DPP6: variants seen among roughly 807,000 people sequenced by gnomAD.
The protein encoded by DPP6 is dipeptidyl peptidase like 6, also known as A-type potassium channel modulatory protein DPP6.
Under a neutral mutation model 122.6 loss-of-function variants are expected in DPP6, and 69 were observed. That is an observed-to-expected ratio of 0.56 (90% confidence interval 0.46 to 0.69). DPP6 has a LOEUF of 0.69. DPP6 is among the 30% of genes least tolerant of loss of function. The probability of loss-of-function intolerance (pLI) is 0.00; values close to 1 mark genes in which losing one functional copy is unlikely to be tolerated. For synonymous variants in DPP6, 418 were observed against 433.1 expected, an observed-to-expected ratio of 0.97 and a Z score of 0.43; for missense variants, 928 against 1,116.9, an observed-to-expected ratio of 0.83 and a Z score of 2.41.
At chr7:154,644,851 G>A (rs1215051384) in intron 6 of DPP6, among the ~76,000 whole-genome samples, 1 of 151,898 alleles carries the variant, frequency 6.6e-6, no homozygotes, top group Non-Finnish European at 1.5e-5. Flanking sequence ...TGTGACTGCA[G>A]GTGCACACCG....
At chr7:153,952,245 A>T (rs1391195718) in intron 1 of DPP6, among the ~76,000 whole-genome samples, 1 of 152,144 alleles carries the variant, frequency 6.6e-6, no homozygotes, top group East Asian at 1.9e-4. Flanking sequence ...ATCAAAAGCA[A>T]TTTTCTACCA....
At chr7:154,847,658 C>G (rs1020680120) in intron 16 of DPP6, among the ~76,000 whole-genome samples, 2 of 152,080 alleles carry the variant, frequency 1.3e-5, no homozygotes, top group Admixed American at 1.3e-4. Flanking sequence ...ATTTATCATT[C>G]TTTGTGGTGA....
intron 5 of DPP6, among the ~76,000 whole-genome samples, chr7:154,622,689 C>G (rs1468811279): frequency 6.6e-6 from 1 of 152,170 alleles, no homozygotes; most frequent in African/African-American, 2.4e-5. Context: ...CCAACACCAT[C>G]GAATGACCAT....
rs185391569 is a variant in DPP6 at position 154,782,814 on chromosome 7, C to T, written c.1136+9872C>T. ...ATTATTATTTTTTGAGACAGAGCCT[C>T]GCTCTGTCGCCCAGGTTGGAGTGCA... On this transcript the variant is annotated intron_variant, in intron 10 of 25. Coordinates refer to ENST00000377770, the MANE Select transcript of DPP6 (RefSeq NM_130797.4). Among the ~76,000 whole-genome samples the T allele has an allele frequency of 2.7e-3, 412 of 152,110 alleles. 2 individuals carry two copies. The highest frequency in any genetic ancestry group is 4.1e-3 in the Non-Finnish European group (278 of 68,006).
At position 154,082,846 on chromosome 7, in the gene DPP6, CT is replaced by C. The variant is rs1174987723; in HGVS notation, c.243+29803del. ...CTGTGTGTGCCTATCTTTTCTTTTTCTTTTTTTTTTTTTTTTTTTTGAGATG... is the reference window on the plus strand; with the variant it reads ...CTGTGTGTGCCTATCTTTTCTTTTTCTTTTTTTTTTTTTTTTTTTGAGATG... On this transcript the variant is annotated intron_variant, in intron 1 of 25. Transcript: ENST00000377770. Among the ~76,000 whole-genome samples, 70 of 106,256 alleles carry C rather than the reference CT, an allele frequency of 6.6e-4. No homozygotes were observed. In the East Asian group the frequency reaches 7.8e-3, roughly 12 times the overall value. The allele number at this position is 106,256 out of a possible 152,430, so 69.7% of individuals were successfully genotyped here.
intron 5 of DPP6, among the ~76,000 whole-genome samples, chr7:154,575,159 T>A (rs1831480602): frequency 7.2e-6 from 1 of 138,300 alleles, no homozygotes; most frequent in Non-Finnish European, 1.5e-5. Context: ...GTGTGGTCTG[T>A]GTGTATGTGT....
intron 7 of DPP6, among the ~76,000 whole-genome samples, chr7:154,689,384 G>A (rs1839810005): frequency 6.6e-6 from 1 of 152,100 alleles, no homozygotes; most frequent in Non-Finnish European, 1.5e-5. Flanking sequence ...TATTTTGAAT[G>A]GATTTTGAAT....
chr7:153,963,764 T>C (rs1359228114), intron 1 of DPP6, among the ~76,000 whole-genome samples: 1 of 152,138 alleles, frequency 6.6e-6, no homozygotes, highest in Non-Finnish European at 1.5e-5. Context: ...AACAGTTTCA[T>C]CCCGAAGCCA....
At chr7:154,237,949 G>A (rs911304124) in intron 1 of DPP6, among the ~76,000 whole-genome samples, 2 of 152,210 alleles carry the variant, frequency 1.3e-5, no homozygotes, top group African/African-American at 4.8e-5. Context: ...AGAATGAGAT[G>A]TCTGAGGACA....
chr7:154,054,943 C>T (rs1339006032), intron 1 of DPP6, among the ~76,000 whole-genome samples: 2 of 151,902 alleles, frequency 1.3e-5, no homozygotes, highest in Non-Finnish European at 2.9e-5. Context: ...TTGGAGTATA[C>T]ATGTCCTTCT....
intron 15 of DPP6, among the ~76,000 whole-genome samples, chr7:154,806,355 G>A (rs534299036): frequency 1.6e-4 from 25 of 152,300 alleles, no homozygotes; most frequent in African/African-American, 6.0e-4. Flanking sequence ...ATTTTAGGGA[G>A]CACATTTTAG....
intron 21 of DPP6, 46 bp downstream of exon 21, chr7:154,880,988 G>A (rs752133761): frequency 1.9e-6 from 3 of 1,605,712 alleles, no homozygotes; most frequent in Non-Finnish European, 2.6e-6. Flanking sequence ...GTTCCAGTGT[G>A]GCCTGCACCA....
chr7:154,689,429 A>C (rs906493275), intron 7 of DPP6, among the ~76,000 whole-genome samples: 10 of 152,266 alleles, frequency 6.6e-5, no homozygotes, highest in Admixed American at 1.3e-4. Flanking sequence ...TATTGAAATG[A>C]TCATGTGGGT....
rs1464548876 is a variant in DPP6 at position 154,060,624 on chromosome 7, C to A, written c.243+7561C>A. 1.9e-3 allele frequency among the ~76,000 whole-genome samples: 274 copies of A among 146,290 alleles called. 2 individuals carry two copies. The highest frequency in any genetic ancestry group is 3.1e-3 in the Non-Finnish European group (202 of 66,092). On this transcript the variant is annotated intron_variant, in intron 1 of 25. Coordinates refer to ENST00000377770, the MANE Select transcript of DPP6 (RefSeq NM_130797.4). ...CTCTTCCCCCCCCTGGCTCTGAGGACCCCCATCGCAGGAGGGGGAGGCACC... is the reference window on the plus strand; with the variant it reads ...CTCTTCCCCCCCCTGGCTCTGAGGAACCCCATCGCAGGAGGGGGAGGCACC...
intron 1 of DPP6, among the ~76,000 whole-genome samples, chr7:154,222,426 T>C (rs377714554): frequency 0.04 from 5,778 of 144,056 alleles, 364 homozygotes; most frequent in African/African-American, 0.11. Flanking sequence ...GAGGCCGAGG[T>C]GGGCGGATCA....
At chr7:154,728,064 C>A (rs1255330220) in intron 8 of DPP6, among the ~76,000 whole-genome samples, 177 bp downstream of exon 8, 1 of 152,220 alleles carries the variant, frequency 6.6e-6, no homozygotes, top group Non-Finnish European at 1.5e-5. Context: ...TGATCAGCAT[C>A]AGAGAACAGC....
intron 1 of DPP6, among the ~76,000 whole-genome samples, chr7:154,015,145 C>T (rs1237967245): frequency 1.3e-5 from 2 of 152,050 alleles, no homozygotes; most frequent in African/African-American, 2.4e-5. Context: ...AATCTCCTCT[C>T]TCCTCACCAC....
chr7:154,682,809 GT>G (rs1157488592), intron 7 of DPP6, among the ~76,000 whole-genome samples: 2 of 152,206 alleles, frequency 1.3e-5, no homozygotes, highest in Non-Finnish European at 2.9e-5. Flanking sequence ...AGCCCACGAG[GT>G]TTTATTTCAC....
intron 1 of DPP6, among the ~76,000 whole-genome samples, chr7:154,323,593 T>C (rs1808166725): frequency 6.6e-6 from 1 of 152,228 alleles, no homozygotes; most frequent in Non-Finnish European, 1.5e-5. Context: ...ATTTGCCATC[T>C]CTGGGGTAAG....
Sources: gnomAD v4.1 joint callset for allele counts (sites outside exome capture counted in the v4.1 genomes callset) on GRCh38, gnomAD v4.1.1 for gene constraint, MANE v1.5 for transcripts, NCBI Gene and HGNC (gene_info 2026-07-23, HGNC 2026-07-21) for gene names.